The following PRKCH variants were observed in gnomAD, a reference collection of about 807,000 sequenced individuals.
PRKCH encodes protein kinase C eta type.
A neutral mutation model predicts 82.5 loss-of-function variants in PRKCH; 28 were observed. The ratio of observed to expected loss-of-function variants is 0.34; its 90% CI spans 0.25 to 0.47. The LOEUF (loss-of-function observed/expected upper bound fraction) is 0.47, where lower values mean the gene tolerates loss of function less well. PRKCH is among the 20% of genes least tolerant of loss of function. The probability of loss-of-function intolerance (pLI) is 1.00; values close to 1 mark genes in which losing one functional copy is unlikely to be tolerated. For synonymous variants in PRKCH, 322 were observed against 327.4 expected, an observed-to-expected ratio of 0.98 and a Z score of 0.18; for missense variants, 705 against 881.8, an observed-to-expected ratio of 0.80 and a Z score of 2.54.
intron 1 of PRKCH, among the ~76,000 whole-genome samples, chr14:61,238,996 T>C (rs2044813114): frequency 6.6e-6 from 1 of 152,190 alleles, no homozygotes; most frequent in Non-Finnish European, 1.5e-5. Flanking sequence ...TGAAGCATAT[T>C]AGCTGCTGTA....
chr14:61,245,782 A>C (rs1440682229), intron 1 of PRKCH, among the ~76,000 whole-genome samples: 1 of 152,218 alleles, frequency 6.6e-6, no homozygotes, highest in Admixed American at 6.5e-5. Context: ...TACCATGTTC[A>C]GGTTCATTAG....
chr14:61,492,176 T>G (rs1434263094), intron 10 of PRKCH: 6 of 152,280 alleles, frequency 3.9e-5, no homozygotes, highest in Admixed American at 3.9e-4. Context: ...TTACTTCACT[T>G]GGCATTTTAT....
At chr14:61,422,971 T>G (rs537018568) in intron 2 of PRKCH, among the ~76,000 whole-genome samples, 1 of 152,256 alleles carries the variant, frequency 6.6e-6, no homozygotes, top group Non-Finnish European at 1.5e-5. Context: ...AATATCCATA[T>G]TTCTTAAGAA....
At chr14:61,523,399 A>T (rs12589100) in intron 10 of PRKCH, among the ~76,000 whole-genome samples, 15,222 of 152,252 alleles carry the variant, frequency 0.1, 873 homozygotes, top group Non-Finnish European at 0.13. Flanking sequence ...TTGGGAAACA[A>T]TCTATCCGGG....
Position 61,510,033 on chromosome 14 carries a change from A to G in PRKCH, c.1434-19042A>G, listed in dbSNP as rs115464866. Reference sequence around the variant, plus strand: ...TTTTCCATTAACAGTGAAACAGGGAAGTCCATGCTAGGTAGACATAGCGAC... The same window carrying G: ...TTTTCCATTAACAGTGAAACAGGGAGGTCCATGCTAGGTAGACATAGCGAC... On this transcript the variant is annotated intron_variant, in intron 10 of 13. Coordinates refer to ENST00000332981, the MANE Select transcript of PRKCH (RefSeq NM_006255.5). 6.1e-3 allele frequency among the ~76,000 whole-genome samples: 936 copies of G among 152,296 alleles called. 19 individuals are homozygous for G. Among genetic ancestry groups the G allele is most frequent in the African/African-American group, 0.021 (889 of 41,520 alleles).
chr14:61,489,051 A>AGAG (rs1886346619), intron 10 of PRKCH, among the ~76,000 whole-genome samples: 1 of 152,224 alleles, frequency 6.6e-6, no homozygotes, highest in Non-Finnish European at 1.5e-5. Context: ...GGCTGGGAAC[A>AGAG]GAGTCTTAAG....
At chr14:61,281,027 A>C in intron 1 of PRKCH, 1 of 1,533,102 alleles carries the variant, frequency 6.5e-7, no homozygotes, top group Non-Finnish European at 8.8e-7. Context: ...AGGCCCGCGC[A>C]GAAGAAGAGC....
intron 2 of PRKCH, among the ~76,000 whole-genome samples, chr14:61,435,240 G>A (rs1883619933): frequency 1.3e-5 from 2 of 152,138 alleles, no homozygotes; most frequent in African/African-American, 4.8e-5. Context: ...TGGTGCATCT[G>A]GGGGTTCCTT....
At chr14:61,309,573 G>A (rs1385030659) in intron 1 of PRKCH, among the ~76,000 whole-genome samples, 1 of 152,194 alleles carries the variant, frequency 6.6e-6, no homozygotes, top group African/African-American at 2.4e-5. Context: ...TTGGGAGGAT[G>A]CAAACCAAAG....
chr14:61,418,562 C>A (rs1882678680), intron 2 of PRKCH, among the ~76,000 whole-genome samples: 1 of 152,184 alleles, frequency 6.6e-6, no homozygotes, highest in African/African-American at 2.4e-5. Context: ...GTGCTGGTTT[C>A]TTTTGCTGAG....
intron 1 of PRKCH, among the ~76,000 whole-genome samples, chr14:61,246,628 TGTCAA>T (rs780159518): frequency 3.3e-5 from 5 of 152,104 alleles, no homozygotes; most frequent in Non-Finnish European, 7.4e-5. Flanking sequence ...TTATCTATAG[TGTCAA>T]GTCCAGACCC....
At chr14:61,338,421 T>C (rs773339279) in intron 1 of PRKCH, among the ~76,000 whole-genome samples, 1 of 152,210 alleles carries the variant, frequency 6.6e-6, no homozygotes, top group Non-Finnish European at 1.5e-5. Context: ...AGAATGAATA[T>C]ACCAGTATGG....
chr14:61,354,722 C>G (rs980674430), intron 1 of PRKCH, among the ~76,000 whole-genome samples: 3 of 152,146 alleles, frequency 2.0e-5, no homozygotes, highest in Admixed American at 1.3e-4. Context: ...GCCAATGAGG[C>G]CTTTATGTAT....
intron 2 of PRKCH, among the ~76,000 whole-genome samples, chr14:61,422,592 C>T (rs368437774): frequency 1.2e-4 from 19 of 152,196 alleles, no homozygotes; most frequent in African/African-American, 4.3e-4. Context: ...CCAGATTCCC[C>T]GGGCACCATC....
In PRKCH at chr14:61,473,590, C is replaced by T. The variant is rs139000014; in HGVS notation, c.1279-11912C>T. On this transcript the variant is annotated intron_variant, in intron 9 of 13. Coordinates refer to ENST00000332981, the MANE Select transcript of PRKCH (RefSeq NM_006255.5). ...TAAAGAGAATGGAATAGCATGAGTTCGGTTTGGGGGAAATTCAGTGGTAAG... is the reference window on the plus strand; with the variant it reads ...TAAAGAGAATGGAATAGCATGAGTTTGGTTTGGGGGAAATTCAGTGGTAAG... Among the ~76,000 whole-genome samples the T allele has an allele frequency of 1.3e-3, 201 of 152,220 alleles. 1 individual carries two copies. The highest frequency in any genetic ancestry group is 4.6e-3 in the African/African-American group (191 of 41,534).
intron 10 of PRKCH, among the ~76,000 whole-genome samples, chr14:61,522,248 C>T (rs2042916106): frequency 6.6e-6 from 1 of 152,150 alleles, no homozygotes; most frequent in South Asian, 2.1e-4. Context: ...CATCATTTAT[C>T]TCCTGGATAC....
intron 1 of PRKCH, among the ~76,000 whole-genome samples, chr14:61,311,454 A>G (rs2140110170): frequency 6.6e-6 from 1 of 152,314 alleles, no homozygotes; most frequent in South Asian, 2.1e-4. Context: ...TATCACTACC[A>G]GCATTTTGGC....
At chr14:61,221,305 AT>A (rs1168068118) in intron 1 of PRKCH, among the ~76,000 whole-genome samples, 2 of 152,216 alleles carry the variant, frequency 1.3e-5, no homozygotes, top group African/African-American at 2.4e-5. Flanking sequence ...GGGATTTCCC[AT>A]TAAATTAACA....
intron 9 of PRKCH, among the ~76,000 whole-genome samples, chr14:61,471,672 A>T (rs1340301540): frequency 7.0e-6 from 1 of 142,716 alleles, no homozygotes; most frequent in Non-Finnish European, 1.5e-5. Flanking sequence ...CTTTACAATT[A>T]AAAAAAAAAT....
Sources: gnomAD v4.1 joint callset for allele counts (sites outside exome capture counted in the v4.1 genomes callset) on GRCh38, gnomAD v4.1.1 for gene constraint, MANE v1.5 for transcripts, NCBI Gene and HGNC (gene_info 2026-07-23, HGNC 2026-07-21) for gene names.